Variants in SNX15 observed in about 807,000 individuals in gnomAD.
SNX15 encodes the protein sorting nexin 15.
In SNX15, 29 loss-of-function variants were observed where a neutral mutation model predicts 35.2. The observed-to-expected ratio is 0.82, with a 90% CI of 0.61 to 1.12. The LOEUF (loss-of-function observed/expected upper bound fraction) is 1.12, where lower values mean the gene tolerates loss of function less well. Ranked by LOEUF, SNX15 falls within the 50% of genes most tolerant of loss-of-function variation. The pLI is 0.00. For synonymous variants in SNX15, 189 were observed against 188.2 expected (o/e 1.00, Z -0.03); for missense variants, 400 against 451.5 (o/e 0.89, Z 1.03).
At position 65,035,093 on chromosome 11, in the gene SNX15, G is replaced by A; in HGVS notation, c.407G>A (p.Arg136Lys). ...GEVTRPLEVS[R>K]DLHILPPPLI... ...GTGACCCGACCCTTGGAGGTGTCCA[G>A]GGACCTACACATCCTGCCACCCCCT... The change falls in exon 5 of 8, where the codon AGG becomes AAG. Residue 136 changes from arginine (R) to lysine (K), a missense_variant. Arg to Lys is a conservative substitution (Grantham distance 26). Coordinates refer to ENST00000377244, the MANE Select transcript of SNX15 (RefSeq NM_013306.5). The A allele has an allele frequency of 6.2e-7, 1 of 1,612,882 alleles. No homozygotes were observed. The highest frequency in any genetic ancestry group is 8.5e-7 in the Non-Finnish European group (1 of 1,179,666).
intron 7 of SNX15, 129 bp downstream of exon 7, chr11:65,038,958 G>A (rs1035608650): frequency 3.0e-5 from 19 of 635,168 alleles, no homozygotes; most frequent in African/African-American, 2.8e-4. Context: ...GTGTAACCTG[G>A]GCAGATTTTT....
Position 65,038,701 on chromosome 11 carries a change from C to G in SNX15, c.794C>G (p.Thr265Ser). 1 of 1,608,088 alleles carries G rather than the reference C, an allele frequency of 6.2e-7. No individual in the cohort carries two copies. Among genetic ancestry groups the G allele is most frequent in the Non-Finnish European group, 8.5e-7 (1 of 1,177,488 alleles). The stretch of plus-strand genomic sequence containing the variant: ...GAAGAGGATGGGGAAGGAGGGCCCA[C>G]CCCTGCCTACCTAAGCCAGGCCACA... Reference protein sequence around the residue: ...EEEEDGEGGPTPAYLSQATEL... With the variant: ...EEEEDGEGGPSPAYLSQATEL... Residue 265 changes from threonine to serine, a missense_variant, in exon 7 of 8, where the codon ACC (threonine) becomes AGC (serine). Physicochemically the swap from Thr to Ser is moderately conservative, Grantham distance 58. Coordinates refer to ENST00000377244, the MANE Select transcript of SNX15 (RefSeq NM_013306.5).
At position 65,038,475 on chromosome 11, in the gene SNX15, G is replaced by A; in HGVS notation, c.665-97G>A. The A allele has an allele frequency of 3.5e-6, 5 of 1,446,418 alleles. No individual in the cohort carries two copies. In the South Asian group the frequency reaches 5.9e-5, roughly 17 times the overall value. The allele number at this position is 1,446,418 out of a possible 1,614,324, so 89.6% of individuals were successfully genotyped here. A position where few individuals can be genotyped will look rare whatever the true frequency, so the allele number is the denominator to read the frequency against. On this transcript the variant is annotated intron_variant, in intron 6 of 7. Coordinates refer to ENST00000377244, the MANE Select transcript of SNX15 (RefSeq NM_013306.5). ...CATTGGTCCCCTCTACTGGGGACAG[G>A]CTGATACCCTGATGGACAAAAGAAG...
chr11:65,031,185 G>T (rs1276573306), intron 1 of SNX15, among the ~76,000 whole-genome samples: 1 of 151,906 alleles, frequency 6.6e-6, no homozygotes, highest in Non-Finnish European at 1.5e-5. Context: ...ACCACACCCA[G>T]CTAATTTTTT....
At chr11:65,038,423 C>T (rs955824035) in intron 6 of SNX15, 149 bp from the exon 7 acceptor site, 1 of 1,195,156 alleles carries the variant, frequency 8.4e-7, no homozygotes, top group Non-Finnish European at 1.1e-6. Context: ...AGTTTTTGAT[C>T]CACAGACGAC....
chr11:65,038,931 C>T (rs2136942397), intron 7 of SNX15, 102 bp downstream of exon 7: 1 of 974,120 alleles, frequency 1.0e-6, no homozygotes, highest in East Asian at 2.9e-5. Flanking sequence ...AGCCCTTTTA[C>T]TCCTCACTGA....
intron 2 of SNX15, 109 bp from the exon 3 acceptor site, chr11:65,032,322 G>A (rs1946448698): frequency 6.3e-7 from 1 of 1,586,328 alleles, no homozygotes; most frequent in Admixed American, 1.7e-5. Flanking sequence ...CTGGGCGAGG[G>A]GCTGCTGCAG....
At position 65,035,576 on chromosome 11, in the gene SNX15, G is replaced by A. The variant is rs755556730; in HGVS notation, c.577G>A (p.Glu193Lys). The A allele has an allele frequency of 1.2e-6, 2 of 1,613,900 alleles. No homozygotes were observed. The highest frequency in any genetic ancestry group is 2.2e-5 in the South Asian group (2 of 91,054). Residue 193 changes from glutamate to lysine, a missense_variant, in exon 6 of 8, where the codon GAG (glutamate) becomes AAG (lysine). Glu to Lys is a moderately conservative substitution (Grantham distance 56). Transcript: ENST00000377244. Reference sequence around the variant, plus strand: ...GGCCCTGGATCTCCTCTTTAACTGTGAGAGCACCGAGGAGGCATCTGGTTC... The same window carrying A: ...GGCCCTGGATCTCCTCTTTAACTGTAAGAGCACCGAGGAGGCATCTGGTTC... The part of the protein sequence containing the change: ...QEALDLLFNC[E>K]STEEASGSPA...
At chr11:65,032,096 G>C (rs1946445784) in intron 1 of SNX15, 72 bp from the exon 2 acceptor site, 2 of 1,487,732 alleles carry the variant, frequency 1.3e-6, no homozygotes, top group Non-Finnish European at 9.4e-7. Flanking sequence ...GGAGGCACCT[G>C]GGGCATTACA....
chr11:65,029,078 G>T (rs1363471488), intron 1 of SNX15, among the ~76,000 whole-genome samples: 1 of 144,420 alleles, frequency 6.9e-6, no homozygotes. Flanking sequence ...GAGACAGAGC[G>T]AGACTCCGTC....
intron 3 of SNX15, 83 bp downstream of exon 3, chr11:65,032,634 G>C: frequency 1.9e-6 from 3 of 1,550,736 alleles, no homozygotes; most frequent in South Asian, 1.1e-5. Context: ...GGGCTGGATA[G>C]AGAGGGCCTG....
At chr11:65,027,745 G>C in intron 1 of SNX15, 109 bp downstream of exon 1, 1 of 811,510 alleles carries the variant, frequency 1.2e-6, no homozygotes, top group South Asian at 1.5e-5. Context: ...GACAGAAATG[G>C]GTTTCCCCTT....
At chr11:65,038,893 CA>C (rs1049830471) in intron 7 of SNX15, 64 bp downstream of exon 7, 17 of 1,352,880 alleles carry the variant, frequency 1.3e-5, no homozygotes, top group Middle Eastern at 3.9e-4. Context: ...ATGAAGGGAG[CA>C]AAAAAACAAG....
intron 2 of SNX15, 65 bp from the exon 3 acceptor site, chr11:65,032,366 G>A: frequency 6.8e-6 from 11 of 1,612,150 alleles, no homozygotes; most frequent in Admixed American, 6.7e-5. Context: ...CTGGGGGCAG[G>A]CTAGGCATGG....
chr11:65,035,772 C>A, intron 6 of SNX15, 109 bp downstream of exon 6: 1 of 1,210,858 alleles, frequency 8.3e-7, no homozygotes, highest in Non-Finnish European at 1.1e-6. Context: ...CAGGGAGAGA[C>A]GTCTCCTCAG....
intron 6 of SNX15, 176 bp downstream of exon 6, chr11:65,035,839 G>A (rs1946496214): frequency 1.7e-6 from 1 of 602,760 alleles, no homozygotes; most frequent in East Asian, 3.1e-5. Context: ...CCCTGTGCCA[G>A]GGCACGTGGT....
intron 6 of SNX15, chr11:65,038,173 C>A: frequency 1.4e-6 from 1 of 715,462 alleles, no homozygotes; most frequent in Non-Finnish European, 1.7e-6. Context: ...GTCTCCTATT[C>A]TAAGATTATT....
chr11:65,035,503 A>T lies in SNX15; in HGVS notation c.521-17A>T. 1 of 1,572,636 alleles carries T rather than the reference A, an allele frequency of 6.4e-7. No homozygotes were observed. The highest frequency in any genetic ancestry group is 1.4e-5 in the African/African-American group (1 of 73,028). On this transcript the variant is annotated splice_polypyrimidine_tract_variant and intron_variant, in intron 5 of 7. Coordinates refer to ENST00000377244, the MANE Select transcript of SNX15 (RefSeq NM_013306.5). ...AATAAACGCAGGTATTCATGACCCCACTTATCTCTTCCTCAGTGGACCCCC... is the reference window on the plus strand; with the variant it reads ...AATAAACGCAGGTATTCATGACCCCTCTTATCTCTTCCTCAGTGGACCCCC...
intron 3 of SNX15, among the ~76,000 whole-genome samples, chr11:65,034,062 C>T (rs1946472121): frequency 6.6e-6 from 1 of 152,128 alleles, no homozygotes; most frequent in Non-Finnish European, 1.5e-5. Context: ...TATGCCAGGC[C>T]AGTGGGGAAG....
Sources: allele counts gnomAD v4.1 joint callset (sites outside exome capture counted in the v4.1 genomes callset), GRCh38; gene constraint gnomAD v4.1.1; transcripts MANE v1.5; gene names NCBI Gene and HGNC (gene_info 2026-07-23, HGNC 2026-07-21).